The following PEPD variants were observed in gnomAD, a reference collection of about 807,000 sequenced individuals.
PEPD encodes the protein xaa-Pro dipeptidase.
In PEPD, 53 loss-of-function variants were observed where a neutral mutation model predicts 60.7. The ratio of observed to expected loss-of-function variants is 0.87; its 90% CI spans 0.70 to 1.10. The LOEUF (loss-of-function observed/expected upper bound fraction) is 1.10. Among genes scored for constraint, PEPD ranks in the 50% least tolerant of loss-of-function variants. The probability of loss-of-function intolerance (pLI) is 0.00; values close to 1 mark genes in which losing one functional copy is unlikely to be tolerated. For missense variants in PEPD, 711 were observed against 711.9 expected, an observed-to-expected ratio of 1.00 and a Z score of 0.01; for synonymous variants, 267 against 284.1, an observed-to-expected ratio of 0.94 and a Z score of 0.60.
chr19:33,437,085 G>T (rs758107257), intron 9 of PEPD, among the ~76,000 whole-genome samples: 1 of 152,150 alleles, frequency 6.6e-6, no homozygotes, highest in Non-Finnish European at 1.5e-5. Flanking sequence ...CACGGGAGAA[G>T]CAAAACAAGT....
chr19:33,477,441 GA>G (rs1177748347), intron 7 of PEPD: 5 of 168,738 alleles, frequency 3.0e-5, no homozygotes. Flanking sequence ...ATCCATCAAA[GA>G]AAAAATGCCT....
intron 4 of PEPD, among the ~76,000 whole-genome samples, chr19:33,493,582 C>T (rs2145322914): frequency 6.6e-6 from 1 of 152,260 alleles, no homozygotes; most frequent in African/African-American, 2.4e-5. Context: ...CTTCCCACCG[C>T]ACCGCCCTGC....
At chr19:33,411,113 T>TTCTATGAAGAACTGTGAGCACGGCACA (rs1453396728) in intron 11 of PEPD, among the ~76,000 whole-genome samples, 2 of 152,172 alleles carry the variant, frequency 1.3e-5, no homozygotes, top group African/African-American at 2.4e-5. Flanking sequence ...TTGTCGTGGC[T>TTCTATGAAGAACTGTGAGCACGGCACA]TCTATGAAGA....
intron 6 of PEPD, among the ~76,000 whole-genome samples, chr19:33,478,790 C>A (rs1970266474): frequency 6.6e-6 from 1 of 151,884 alleles, no homozygotes; most frequent in South Asian, 2.1e-4. Flanking sequence ...GAATTTATTA[C>A]TAGCAGACCT....
In PEPD at chr19:33,465,264, C is replaced by G. The variant is rs76850537; in HGVS notation, c.549-1202G>C. 7.2e-3 allele frequency among the ~76,000 whole-genome samples: 1,099 copies of G among 152,300 alleles called. 5 individuals carry two copies. The highest frequency in any genetic ancestry group is 0.013 in the Non-Finnish European group (875 of 68,024). ...GCTCTGATGTCCTTAGGTAGGACAT[C>G]TTGATTCTCATCAAAACATTACTCC... On this transcript the variant is annotated intron_variant, in intron 7 of 14. Coordinates refer to ENST00000244137, the MANE Select transcript of PEPD (RefSeq NM_000285.4).
At chr19:33,493,466 C>T in intron 4 of PEPD, 129 bp from the exon 5 acceptor site, 1 of 744,062 alleles carries the variant, frequency 1.3e-6, no homozygotes, top group Non-Finnish European at 2.4e-6. Flanking sequence ...GACGTGGGCG[C>T]TGCCCTCACC....
chr19:33,434,954 C>T (rs1340050073), intron 9 of PEPD, among the ~76,000 whole-genome samples: 9 of 152,216 alleles, frequency 5.9e-5, no homozygotes, highest in South Asian at 2.1e-4. Context: ...CCCCTGAGGA[C>T]GGCCTGGAGG....
At chr19:33,504,674 G>C (rs144324604) in intron 3 of PEPD, among the ~76,000 whole-genome samples, 6 of 152,058 alleles carry the variant, frequency 3.9e-5, no homozygotes, top group Non-Finnish European at 8.8e-5. Flanking sequence ...CAAGAGAATC[G>C]CTTGAGCTAG....
intron 12 of PEPD, among the ~76,000 whole-genome samples, chr19:33,396,962 G>T (rs1354222212): frequency 6.6e-6 from 1 of 152,122 alleles, no homozygotes; most frequent in Non-Finnish European, 1.5e-5. Flanking sequence ...TCCCAGCAGC[G>T]CCTCCCCCCA....
chr19:33,419,525 T>C (rs776900737), intron 9 of PEPD, among the ~76,000 whole-genome samples: 10 of 152,214 alleles, frequency 6.6e-5, no homozygotes, highest in Non-Finnish European at 1.5e-4. Flanking sequence ...ACTGAATCCG[T>C]GTTCGGGCTC....
chr19:33,478,007 G>A, intron 7 of PEPD, 39 bp downstream of exon 7: 2 of 1,469,768 alleles, frequency 1.4e-6, no homozygotes, highest in Non-Finnish European at 1.9e-6. Flanking sequence ...CATGAGCCGA[G>A]CACAACAAAC....
chr19:33,433,613 G>T (rs1318499428), intron 9 of PEPD, among the ~76,000 whole-genome samples: 1 of 152,146 alleles, frequency 6.6e-6, no homozygotes, highest in Non-Finnish European at 1.5e-5. Flanking sequence ...ATTAAGAAGC[G>T]CTGTCCCTTT....
chr19:33,430,458 C>T (rs763829061), intron 9 of PEPD, among the ~76,000 whole-genome samples: 19 of 152,092 alleles, frequency 1.2e-4, no homozygotes, highest in Non-Finnish European at 2.8e-4. Context: ...CAGGAAGAGA[C>T]TTCTGCTGCA....
At chr19:33,403,844 G>A (rs1003504859) in intron 11 of PEPD, among the ~76,000 whole-genome samples, 5 of 152,244 alleles carry the variant, frequency 3.3e-5, no homozygotes, top group Non-Finnish European at 5.9e-5. Flanking sequence ...GCTGGGGGGA[G>A]GAGCCCCGCC....
intron 9 of PEPD, among the ~76,000 whole-genome samples, chr19:33,416,099 C>T (rs1295049016): frequency 6.6e-6 from 1 of 152,216 alleles, no homozygotes; most frequent in Non-Finnish European, 1.5e-5. Context: ...TTCTGATCTT[C>T]AAGCGGTGAG....
chr19:33,467,333 AAC>A (rs1383512754), intron 7 of PEPD, among the ~76,000 whole-genome samples: 3 of 151,420 alleles, frequency 2.0e-5, no homozygotes, highest in Non-Finnish European at 4.4e-5. Context: ...TCATCATAGA[AAC>A]ACAGTTTTAT....
At chr19:33,494,343 G>C (rs1970557348) in intron 4 of PEPD, among the ~76,000 whole-genome samples, 1 of 152,196 alleles carries the variant, frequency 6.6e-6, no homozygotes. Context: ...AGTGATCACT[G>C]ACATACTCTA....
chr19:33,405,652 G>A (rs150533706), intron 11 of PEPD, among the ~76,000 whole-genome samples: 2,239 of 152,320 alleles, frequency 0.015, 45 homozygotes, highest in African/African-American at 0.048. Context: ...TGGGCCGGCT[G>A]CCTGCTCCCA....
intron 9 of PEPD, among the ~76,000 whole-genome samples, chr19:33,429,047 C>A (rs1460202053): frequency 6.6e-6 from 1 of 152,228 alleles, no homozygotes; most frequent in Non-Finnish European, 1.5e-5. Flanking sequence ...GACCATAGGA[C>A]TGACTCTCAT....
Sources: allele counts gnomAD v4.1 joint callset (sites outside exome capture counted in the v4.1 genomes callset), GRCh38; gene constraint gnomAD v4.1.1; transcripts MANE v1.5; gene names NCBI Gene and HGNC (gene_info 2026-07-23, HGNC 2026-07-21).